The following ASTN2 variants were observed in gnomAD, a reference collection of about 807,000 sequenced individuals.
ASTN2 encodes astrotactin 2.
ASTN2 carries 54 observed loss-of-function variants against 139.8 expected under a neutral mutation model. That is an observed-to-expected ratio of 0.39 (90% CI 0.31 to 0.48). The LOEUF (loss-of-function observed/expected upper bound fraction) is 0.48, where lower values mean the gene tolerates loss of function less well. Among genes scored for constraint, ASTN2 ranks in the 20% least tolerant of loss-of-function variants. The pLI is 0.95. For synonymous variants in ASTN2, 756 were observed against 719.5 expected, an observed-to-expected ratio of 1.05 and a Z score of -0.81; for missense variants, 1,565 against 1,725.1, an observed-to-expected ratio of 0.91 and a Z score of 1.64.
chr9:116,816,545 T>G (rs528000340), intron 12 of ASTN2, among the ~76,000 whole-genome samples: 7 of 152,164 alleles, frequency 4.6e-5, no homozygotes, highest in Non-Finnish European at 8.8e-5. Context: ...GGCGGATGAA[T>G]TCTTTAATTC....
chr9:117,025,742 C>G (rs1838050861), intron 6 of ASTN2, among the ~76,000 whole-genome samples: 1 of 152,074 alleles, frequency 6.6e-6, no homozygotes, highest in Non-Finnish European at 1.5e-5. Flanking sequence ...TAACTTTTAT[C>G]CAGGCAGCAT....
chr9:117,294,034 T>A (rs950496377), intron 1 of ASTN2, among the ~76,000 whole-genome samples: 15 of 152,210 alleles, frequency 9.9e-5, no homozygotes, highest in African/African-American at 3.6e-4. Context: ...TCCTTGCTCC[T>A]AGCACTCTCT....
chr9:116,525,146 C>T (rs780645297), intron 19 of ASTN2, among the ~76,000 whole-genome samples: 1 of 152,190 alleles, frequency 6.6e-6, no homozygotes, highest in African/African-American at 2.4e-5. Flanking sequence ...TTATTGGGAA[C>T]TGGAGCAAAG....
chr9:116,548,400 G>A (rs923590153), intron 19 of ASTN2, among the ~76,000 whole-genome samples: 2 of 152,116 alleles, frequency 1.3e-5, no homozygotes, highest in African/African-American at 4.8e-5. Flanking sequence ...TTTACTAAAC[G>A]GCAGCTGCTT....
At chr9:116,478,058 G>C (rs1273024527) in intron 20 of ASTN2, among the ~76,000 whole-genome samples, 1 of 147,100 alleles carries the variant, frequency 6.8e-6, no homozygotes, top group East Asian at 2.1e-4. Flanking sequence ...AAGCAAAGGA[G>C]AGATGTTACA....
intron 1 of ASTN2, among the ~76,000 whole-genome samples, chr9:117,412,531 T>G (rs1038392506): frequency 5.3e-5 from 8 of 152,038 alleles, no homozygotes; most frequent in African/African-American, 1.9e-4. Context: ...TGGCAAAGAT[T>G]GTCAGTTCCA....
At chr9:116,993,478 A>C (rs184682678) in intron 7 of ASTN2, among the ~76,000 whole-genome samples, 109 of 150,474 alleles carry the variant, frequency 7.2e-4, no homozygotes, top group African/African-American at 2.2e-3. Context: ...ACACACACAC[A>C]CCCCTCATCT....
intron 17 of ASTN2, among the ~76,000 whole-genome samples, chr9:116,646,425 T>G (rs959962744): frequency 6.6e-6 from 1 of 152,114 alleles, no homozygotes; most frequent in Non-Finnish European, 1.5e-5. Flanking sequence ...GATAGAAAGA[T>G]GGAAAAGTCA....
chr9:116,527,658 T>C (rs2119268820), intron 19 of ASTN2, among the ~76,000 whole-genome samples: 1 of 152,298 alleles, frequency 6.6e-6, no homozygotes, highest in Middle Eastern at 3.4e-3. Flanking sequence ...GTATATGATA[T>C]AGTTTGGCTC....
chr9:117,267,611 A>G (rs1392945614), intron 2 of ASTN2, among the ~76,000 whole-genome samples: 1 of 152,190 alleles, frequency 6.6e-6, no homozygotes, highest in African/African-American at 2.4e-5. Flanking sequence ...TTCCAAGTAA[A>G]AAATCTTAAA....
At chr9:116,571,886 G>T (rs982668616) in intron 19 of ASTN2, among the ~76,000 whole-genome samples, 10 of 152,154 alleles carry the variant, frequency 6.6e-5, no homozygotes, top group African/African-American at 2.4e-4. Flanking sequence ...CCTGTTGGGT[G>T]ATGTGCTCAC....
intron 1 of ASTN2, among the ~76,000 whole-genome samples, chr9:117,333,569 A>G (rs182989799): frequency 5.9e-5 from 9 of 152,316 alleles, no homozygotes; most frequent in African/African-American, 2.2e-4. Context: ...TTTTTAAATT[A>G]TATTTTAGAT....
chr9:116,537,225 G>C (rs186431988), intron 19 of ASTN2, among the ~76,000 whole-genome samples: 1 of 152,314 alleles, frequency 6.6e-6, no homozygotes, highest in Admixed American at 6.5e-5. Context: ...CATCTTCTGT[G>C]TCGCTCACAC....
At chr9:117,301,348 G>A (rs915215391) in intron 1 of ASTN2, among the ~76,000 whole-genome samples, 2 of 152,166 alleles carry the variant, frequency 1.3e-5, no homozygotes, top group Non-Finnish European at 2.9e-5. Flanking sequence ...GATGCAGAGA[G>A]TGGGTGACTA....
chr9:116,889,463 A>G (rs558178018), intron 10 of ASTN2, among the ~76,000 whole-genome samples: 15 of 152,212 alleles, frequency 9.9e-5, no homozygotes, highest in African/African-American at 3.4e-4. Context: ...TTCCGGGTCC[A>G]TCTCTAATGA....
At chr9:116,777,836 C>A (rs1174732653) in intron 13 of ASTN2, among the ~76,000 whole-genome samples, 1 of 146,584 alleles carries the variant, frequency 6.8e-6, no homozygotes, top group Non-Finnish European at 1.5e-5. Context: ...ATTACTTTCT[C>A]TTTTTTTTGT....
chr9:116,873,359 A>C (rs866475011), intron 10 of ASTN2, among the ~76,000 whole-genome samples: 2 of 152,200 alleles, frequency 1.3e-5, no homozygotes, highest in South Asian at 2.1e-4. Flanking sequence ...GGTAGATTTG[A>C]GCTTTTCCAA....
chr9:116,565,554 C>T (rs574798827), intron 19 of ASTN2, among the ~76,000 whole-genome samples: 21 of 150,920 alleles, frequency 1.4e-4, no homozygotes, highest in Admixed American at 1.3e-3. Context: ...ATTCCCACCC[C>T]GGACCCCAAG....
intron 17 of ASTN2, among the ~76,000 whole-genome samples, chr9:116,622,664 G>A (rs1056307855): frequency 2.0e-5 from 3 of 152,216 alleles, no homozygotes; most frequent in Admixed American, 6.5e-5. Context: ...TCTGAGCCAT[G>A]GGATTAATCC....
Sources: allele counts gnomAD v4.1 joint callset (sites outside exome capture counted in the v4.1 genomes callset), GRCh38; gene constraint gnomAD v4.1.1; transcripts MANE v1.5; gene names NCBI Gene and HGNC (gene_info 2026-07-23, HGNC 2026-07-21).